Variants in MGAM2 observed in about 807,000 individuals in gnomAD.
MGAM2 encodes the protein maltase-glucoamylase 2 (putative), also known as probable maltase-glucoamylase 2.
In MGAM2, 98 loss-of-function variants were observed where a neutral mutation model predicts 96.1. The ratio of observed to expected loss-of-function variants is 1.02; its 90% CI spans 0.87 to 1.21. The LOEUF (loss-of-function observed/expected upper bound fraction) is 1.21. Ranked by LOEUF, MGAM2 falls within the 50% of genes most tolerant of loss-of-function variation. The probability of loss-of-function intolerance (pLI) is 0.00; values close to 1 mark genes in which losing one functional copy is unlikely to be tolerated. For synonymous variants in MGAM2, 749 were observed against 414.8 expected (o/e 1.81, Z -9.79); for missense variants, 2,055 against 1,182.4 (o/e 1.74, Z -10.82).
intron 37 of MGAM2, among the ~76,000 whole-genome samples, chr7:142,193,746 G>A (rs1358138842): frequency 6.6e-6 from 1 of 152,022 alleles, no homozygotes; most frequent in East Asian, 1.9e-4. Flanking sequence ...GTCTTTCCAA[G>A]CCTATGCTCC....
At chr7:142,197,372 T>A (rs1032232689) in intron 40 of MGAM2, 28 bp from the exon 41 acceptor site, 1 of 700,084 alleles carries the variant, frequency 1.4e-6, no homozygotes, top group Non-Finnish European at 2.6e-6. Flanking sequence ...GAAGAGGTGA[T>A]CCATTATATG....
At chr7:142,218,151 G>T (rs1797820310) in intron 46 of MGAM2, among the ~76,000 whole-genome samples, 1 of 152,068 alleles carries the variant, frequency 6.6e-6, no homozygotes, top group African/African-American at 2.4e-5. Context: ...ACCCTGATTT[G>T]ATCACTACAC....
intron 46 of MGAM2, among the ~76,000 whole-genome samples, chr7:142,211,692 T>C (rs895061252): frequency 6.6e-6 from 1 of 152,100 alleles, no homozygotes; most frequent in African/African-American, 2.4e-5. Flanking sequence ...TGGGACTATG[T>C]GAAAAGACCA....
chr7:142,198,492 G>A, intron 43 of MGAM2, 123 bp from the exon 44 acceptor site: 1 of 597,806 alleles, frequency 1.7e-6, no homozygotes, highest in South Asian at 2.1e-5. Context: ...TTTCTCTTTA[G>A]GTTTGCAGTC....
chr7:142,200,086 AACATT>A (rs1434708209), intron 45 of MGAM2, 118 bp downstream of exon 45: 4 of 488,228 alleles, frequency 8.2e-6, no homozygotes, highest in African/African-American at 7.9e-5. Context: ...ATAAGGCAAT[AACATT>A]TGGAGAATTT....
intron 15 of MGAM2, 37 bp from the exon 16 acceptor site, chr7:142,153,981 G>A: frequency 3.6e-6 from 2 of 554,774 alleles, no homozygotes; most frequent in East Asian, 2.8e-5. Context: ...GACATTCACA[G>A]CCCACCTCAC....
chr7:142,189,369 T>C lies in MGAM2; in HGVS notation c.4210T>C (p.Leu1404=). The C allele has an allele frequency of 1.4e-6, 1 of 691,466 alleles. No individual in the cohort carries two copies. Among genetic ancestry groups the C allele is most frequent in the Non-Finnish European group, 2.6e-6 (1 of 378,796 alleles). The allele number at this position is 691,466 out of a possible 1,614,324, so 42.8% of individuals were successfully genotyped here. A position where few individuals can be genotyped will look rare whatever the true frequency, so the allele number is the denominator to read the frequency against. ...AATAACTCAACATTTCCCCTCAGAT[T>C]TGGAATCTAGGGACAAGGGCCTGAG... is the stretch of plus-strand genomic sequence containing the variant. ...MLNNPPYMPY[L]ESRDKGLSSK... Residue 1404 remains leucine (L), a splice_region_variant and synonymous_variant, in exon 37 of 48, where the codon TTG becomes CTG. Coordinates refer to ENST00000477922, the MANE Select transcript of MGAM2 (RefSeq NM_001293626.2).
At chr7:142,218,106 A>G (rs900837441) in intron 46 of MGAM2, among the ~76,000 whole-genome samples, 2 of 151,996 alleles carry the variant, frequency 1.3e-5, no homozygotes, top group African/African-American at 4.8e-5. Context: ...CAAACAAACA[A>G]ATGTTGACTA....
At chr7:142,212,192 C>T (rs930677824) in intron 46 of MGAM2, among the ~76,000 whole-genome samples, 2 of 152,134 alleles carry the variant, frequency 1.3e-5, no homozygotes, top group Non-Finnish European at 2.9e-5. Flanking sequence ...TACAAGAGCT[C>T]CTGAAGGAAG....
intron 31 of MGAM2, 37 bp from the exon 32 acceptor site, chr7:142,175,615 T>G (rs1261205278): frequency 2.9e-6 from 2 of 700,260 alleles, no homozygotes; most frequent in Non-Finnish European, 5.2e-6. Context: ...GGGCACCTAC[T>G]GCAGGGTTCC....
At chr7:142,213,832 T>G (rs1276192750) in intron 46 of MGAM2, among the ~76,000 whole-genome samples, 1 of 152,160 alleles carries the variant, frequency 6.6e-6, no homozygotes, top group Non-Finnish European at 1.5e-5. Context: ...AGCATCATCC[T>G]GATACCAACA....
At position 142,112,624 on chromosome 7, in the gene MGAM2, G is replaced by T. The variant is rs143644420; in HGVS notation, c.-1+817G>T. Reference sequence around the variant, plus strand: ...ATCCTCTAAGTCTTTAAGCTCTGCAGCCTAGGATACATTGTCGAGAGAGTA... The same window carrying T: ...ATCCTCTAAGTCTTTAAGCTCTGCATCCTAGGATACATTGTCGAGAGAGTA... On this transcript the variant is annotated intron_variant, in intron 1 of 47. Transcript: ENST00000477922. Among the ~76,000 whole-genome samples, 9 of 152,046 alleles carry T rather than the reference G, an allele frequency of 5.9e-5. No individual in the cohort carries two copies. In the East Asian group the frequency reaches 1.2e-3, roughly 20 times the overall value.
At chr7:142,134,873 CA>C (rs1250784961) in intron 7 of MGAM2, among the ~76,000 whole-genome samples, 4 of 151,088 alleles carry the variant, frequency 2.6e-5, no homozygotes, top group Non-Finnish European at 3.0e-5. Context: ...AAAGACATAC[CA>C]AAAAAACCTA....
intron 36 of MGAM2, among the ~76,000 whole-genome samples, chr7:142,188,991 A>G (rs1394087840): frequency 6.6e-6 from 1 of 152,256 alleles, no homozygotes; most frequent in African/African-American, 2.4e-5. Flanking sequence ...AATCAGAAAG[A>G]TTTAGAGACA....
chr7:142,175,082 G>A (rs1202122435), intron 31 of MGAM2, among the ~76,000 whole-genome samples: 1 of 152,134 alleles, frequency 6.6e-6, no homozygotes. Context: ...TTGAATAGGA[G>A]TGGTGAGAGA....
intron 15 of MGAM2, among the ~76,000 whole-genome samples, chr7:142,150,921 G>T (rs1046561776): frequency 3.3e-5 from 5 of 152,008 alleles, no homozygotes; most frequent in African/African-American, 1.2e-4. Context: ...GCACAAGATG[G>T]CCTTCCTTAC....
At chr7:142,128,835 C>A (rs772592320) in intron 3 of MGAM2, among the ~76,000 whole-genome samples, 1 of 152,194 alleles carries the variant, frequency 6.6e-6, no homozygotes, top group Admixed American at 6.5e-5. Flanking sequence ...TAGGGCAGTG[C>A]GGAAGGGAAA....
chr7:142,212,051 A>G (rs927899609), intron 46 of MGAM2, among the ~76,000 whole-genome samples: 3 of 152,236 alleles, frequency 2.0e-5, no homozygotes, highest in Non-Finnish European at 1.5e-5. Flanking sequence ...ATTCTTAAAG[A>G]AAAGAATTTT....
chr7:142,179,806 T>C (rs1796485505), intron 32 of MGAM2, among the ~76,000 whole-genome samples: 2 of 152,174 alleles, frequency 1.3e-5, no homozygotes, highest in South Asian at 4.1e-4. Flanking sequence ...TCATCAGGGA[T>C]ATCAGCCTGA....
Sources: allele counts gnomAD v4.1 joint callset (sites outside exome capture counted in the v4.1 genomes callset), GRCh38; gene constraint gnomAD v4.1.1; transcripts MANE v1.5; gene names NCBI Gene and HGNC (gene_info 2026-07-23, HGNC 2026-07-21).